OPRM1: variants seen among roughly 807,000 people sequenced by gnomAD.
OPRM1 encodes opioid receptor mu 1.
OPRM1 carries 27 observed loss-of-function variants against 31.8 expected under a neutral mutation model. The observed-to-expected ratio is 0.85, with a 90% CI of 0.63 to 1.17. The LOEUF is 1.17. OPRM1 is among the 50% of genes most tolerant of loss of function. OPRM1 has a pLI of 0.00. For synonymous variants in OPRM1, 196 were observed against 189.9 expected (o/e 1.03, Z -0.26); for missense variants, 536 against 511.1 (o/e 1.05, Z -0.47).
Position 154,039,452 on chromosome 6 carries a change from C to T in OPRM1, c.-93C>T. ...TAAGAAACAGCAGGAGCTGTGGCAGCGGCGAAAGGAAGCGGCTGAGGCGCT... is the reference window on the plus strand; with the variant it reads ...TAAGAAACAGCAGGAGCTGTGGCAGTGGCGAAAGGAAGCGGCTGAGGCGCT... On this transcript the variant is annotated 5_prime_UTR_variant, in exon 1 of 4. Coordinates refer to ENST00000330432, the MANE Select transcript of OPRM1 (RefSeq NM_000914.5). The T allele has an allele frequency of 6.4e-7, 1 of 1,552,192 alleles. No individual in the cohort carries two copies. The highest frequency in any genetic ancestry group is 8.7e-7 in the Non-Finnish European group (1 of 1,147,272).
chr6:154,189,361 C>T (rs1432671273), intron 3 of OPRM1, among the ~76,000 whole-genome samples: 1 of 152,098 alleles, frequency 6.6e-6, no homozygotes, highest in African/African-American at 2.4e-5. Flanking sequence ...ACATCATGGC[C>T]AGCAATTCCA....
chr6:154,108,171 T>C (rs78733875), intron 3 of OPRM1: 1 of 483,932 alleles, frequency 2.1e-6, no homozygotes, highest in Non-Finnish European at 3.7e-6. Context: ...ATTTTTTTTT[T>C]TCATTCTGGC....
intron 1 of OPRM1, chr6:154,087,666 C>A (rs1183335308): frequency 1.1e-5 from 10 of 884,980 alleles, no homozygotes; most frequent in Non-Finnish European, 1.4e-5. Context: ...TGAGAGCATC[C>A]TTGCCATTCA....
intron 3 of OPRM1, among the ~76,000 whole-genome samples, chr6:154,196,613 T>G (rs75379225): frequency 0.028 from 4,231 of 152,304 alleles, 197 homozygotes; most frequent in African/African-American, 0.096. Flanking sequence ...GTAGTGTGTG[T>G]TGTACATATG....
chr6:154,203,401 T>C (rs746083743), intron 3 of OPRM1, among the ~76,000 whole-genome samples: 1 of 152,208 alleles, frequency 6.6e-6, no homozygotes. Context: ...CAGTTGTCCC[T>C]TGAACAGTAG....
intron 3 of OPRM1, chr6:154,091,821 A>C (rs1306408674): frequency 9.8e-7 from 1 of 1,021,254 alleles, no homozygotes; most frequent in African/African-American, 1.7e-5. Context: ...TTATTATATA[A>C]TTCATAGATG....
At chr6:154,192,660 A>G (rs1309582617) in intron 3 of OPRM1, among the ~76,000 whole-genome samples, 1 of 28,366 alleles carries the variant, frequency 3.5e-5, no homozygotes, top group Non-Finnish European at 8.1e-5. Flanking sequence ...CAAACAAATT[A>G]GGAAGAAAAA....
At chr6:154,029,706 A>G (rs967128567) in intron 1 of OPRM1, among the ~76,000 whole-genome samples, 128 of 152,168 alleles carry the variant, frequency 8.4e-4, no homozygotes, top group African/African-American at 2.8e-3. Context: ...TAATCCCCGC[A>G]TGTCATGGGA....
rs1797326366 is a variant in OPRM1 at position 154,121,997 on chromosome 6, A to G, written c.*3276A>G. Among the ~76,000 whole-genome samples, 1 of 152,210 alleles carries G rather than the reference A, an allele frequency of 6.6e-6. No individual in the cohort carries two copies. ...TATTCTCCATCTACTGGCAATTACC[A>G]AGATAAGATGGCACTAGAAATTTCT... On this transcript the variant is annotated 3_prime_UTR_variant, in exon 4 of 4. Coordinates refer to ENST00000330432, the MANE Select transcript of OPRM1 (RefSeq NM_000914.5).
chr6:154,224,239 C>T (rs1231297632), intron 3 of OPRM1, among the ~76,000 whole-genome samples: 1 of 152,196 alleles, frequency 6.6e-6, no homozygotes, highest in East Asian at 1.9e-4. Flanking sequence ...GCCATGGGTG[C>T]TTTCAGTTTA....
At chr6:154,212,118 C>T (rs1019247694) in intron 3 of OPRM1, among the ~76,000 whole-genome samples, 2 of 152,184 alleles carry the variant, frequency 1.3e-5, no homozygotes, top group South Asian at 2.1e-4. Flanking sequence ...CCAAAAATCA[C>T]CTTCCCCAAT....
chr6:154,060,876 A>T (rs967357479), intron 1 of OPRM1, among the ~76,000 whole-genome samples: 1 of 152,244 alleles, frequency 6.6e-6, no homozygotes, highest in Non-Finnish European at 1.5e-5. Flanking sequence ...GAAAATTTCT[A>T]GCCTCTACTC....
chr6:154,017,947 T>C (rs4870264), intron 1 of OPRM1, among the ~76,000 whole-genome samples: 2,049 of 152,296 alleles, frequency 0.013, 157 homozygotes, highest in Admixed American at 0.12. Flanking sequence ...CAGTACGTAT[T>C]CATGATCACA....
intron 1 of OPRM1, among the ~76,000 whole-genome samples, chr6:154,059,987 A>G (rs1784076527): frequency 6.6e-6 from 1 of 152,204 alleles, no homozygotes; most frequent in South Asian, 2.1e-4. Flanking sequence ...ACCTAAGCCC[A>G]TGAAGTGTCT....
rs1217256832 is a variant in OPRM1 at position 154,039,721 on chromosome 6, C to T, written c.177C>T (p.Cys59=). 2 of 1,611,950 alleles carry T rather than the reference C, an allele frequency of 1.2e-6. No individual in the cohort carries two copies. Among genetic ancestry groups the T allele is most frequent in the South Asian group, 1.1e-5 (1 of 91,074 alleles). The change falls in exon 1 of 4, where the codon TGC becomes TGT. Residue 59 remains cysteine, a synonymous_variant. Coordinates refer to ENST00000330432, the MANE Select transcript of OPRM1 (RefSeq NM_000914.5). ...ACCTGGGCGGGAGAGACAGCCTGTG[C>T]CCTCCGACCGGCAGTCCCTCCATGA... The part of the protein sequence containing the change: ...RTDLGGRDSL[C]PPTGSPSMIT...
chr6:154,045,370 G>T (rs1780918267), intron 1 of OPRM1, among the ~76,000 whole-genome samples: 1 of 152,170 alleles, frequency 6.6e-6, no homozygotes, highest in African/African-American at 2.4e-5. Context: ...ATCTGTGACA[G>T]CAGTCTTCAA....
intron 3 of OPRM1, among the ~76,000 whole-genome samples, chr6:154,245,830 T>C (rs565515666): frequency 3.9e-5 from 6 of 152,302 alleles, no homozygotes; most frequent in Non-Finnish European, 8.8e-5. Flanking sequence ...TTCAACAACA[T>C]CGTCATTTTC....
intron 3 of OPRM1, among the ~76,000 whole-genome samples, chr6:154,143,962 A>G (rs1484728365): frequency 6.6e-6 from 1 of 152,208 alleles, no homozygotes; most frequent in Non-Finnish European, 1.5e-5. Context: ...AAGGACACAA[A>G]TTACCAATAT....
chr6:154,043,298 G>A (rs1267818381), intron 1 of OPRM1, among the ~76,000 whole-genome samples: 5 of 152,042 alleles, frequency 3.3e-5, no homozygotes, highest in South Asian at 2.1e-4. Context: ...ATTTAAATAC[G>A]TGCAAGATGT....
Sources: allele counts gnomAD v4.1 joint callset (sites outside exome capture counted in the v4.1 genomes callset), GRCh38; gene constraint gnomAD v4.1.1; transcripts MANE v1.5; gene names NCBI Gene and HGNC (gene_info 2026-07-23, HGNC 2026-07-21).